The following PTP4A1 variants were observed in gnomAD, a reference collection of about 807,000 sequenced individuals.
The protein encoded by PTP4A1 is protein tyrosine phosphatase 4A1, also known as protein tyrosine phosphatase type IVA 1.
In PTP4A1, 9 loss-of-function variants were observed where a neutral mutation model predicts 20.5. The ratio of observed to expected loss-of-function variants is 0.44; its 90% CI spans 0.26 to 0.77. The LOEUF is 0.77. Ranked by LOEUF, PTP4A1 falls within the 30% of genes least tolerant of loss-of-function variation. The probability of loss-of-function intolerance (pLI) is 0.19; values close to 1 mark genes in which losing one functional copy is unlikely to be tolerated. For missense variants in PTP4A1, 137 were observed against 218.8 expected, an observed-to-expected ratio of 0.63 and a Z score of 2.36; for synonymous variants, 78 against 67.4, an observed-to-expected ratio of 1.16 and a Z score of -0.77.
chr6:63,568,495 C>T (rs1777281319), upstream of PTP4A1, among the ~76,000 whole-genome samples: 1 of 152,090 alleles, frequency 6.6e-6, no homozygotes, highest in Non-Finnish European at 1.5e-5. Flanking sequence ...TCAAAGATCA[C>T]TGTTCACAAA....
intron 3 of PTP4A1, among the ~76,000 whole-genome samples, chr6:63,552,520 C>T (rs1407358099): frequency 1.3e-5 from 2 of 152,176 alleles, no homozygotes; most frequent in Non-Finnish European, 2.9e-5. Flanking sequence ...TTTTACTGTG[C>T]AGAAGCTCTT....
intron 2 of PTP4A1, among the ~76,000 whole-genome samples, chr6:63,548,390 C>A (rs150460337): frequency 6.6e-6 from 1 of 152,282 alleles, no homozygotes; most frequent in East Asian, 1.9e-4. Context: ...AGGCTTAGAA[C>A]GGCACTAGGC....
In PTP4A1 at chr6:63,573,827, G is replaced by T. The variant is rs1422167049; in HGVS notation, c.-446+1108G>T. Among the ~76,000 whole-genome samples the T allele has an allele frequency of 2.0e-5, 3 of 152,296 alleles. No homozygotes were observed. The East Asian group carries it at 5.8e-4, about 29-fold the overall frequency. ...GTTACACTGACGCGAAGGACTTCCCGTCCGGGCACCAGCATACATTTCCCC... is the reference window on the plus strand; with the variant it reads ...GTTACACTGACGCGAAGGACTTCCCTTCCGGGCACCAGCATACATTTCCCC... On this transcript the variant is annotated intron_variant, in intron 1 of 5. Transcript: ENST00000626021.
intron 2 of PTP4A1, among the ~76,000 whole-genome samples, chr6:63,547,476 C>T (rs1232001803): frequency 6.7e-6 from 1 of 150,160 alleles, no homozygotes; most frequent in East Asian, 2.0e-4. Flanking sequence ...AGGCGTCTGC[C>T]ACCTCGCCCG....
upstream of PTP4A1, among the ~76,000 whole-genome samples, chr6:63,569,283 T>C (rs2149501933): frequency 6.6e-6 from 1 of 152,328 alleles, no homozygotes; most frequent in Middle Eastern, 3.4e-3. Context: ...TGAAATGAAG[T>C]CTCACTCTGT....
chr6:63,529,379 A>G (rs771110623), intron 2 of PTP4A1, among the ~76,000 whole-genome samples: 2 of 150,180 alleles, frequency 1.3e-5, no homozygotes, highest in Non-Finnish European at 2.9e-5. Context: ...TTAATTTCCT[A>G]CATCAATTCA....
At position 63,582,406 on chromosome 6, in the gene PTP4A1, T is replaced by C. The variant is rs956829990; in HGVS notation, c.*2232T>C. On this transcript the variant is annotated 3_prime_UTR_variant, in exon 6 of 6. Transcript: ENST00000626021. ...TTGTATATATGGTGCTAAAAATAAA[T>C]TAATTTACTTTATAAACCTTATCTG... The C allele has an allele frequency of 2.0e-5, 3 of 152,512 alleles. No homozygotes were observed. Among genetic ancestry groups the C allele is most frequent in the Non-Finnish European group, 4.4e-5 (3 of 68,004 alleles). 9.4% of individuals were successfully genotyped at this position (152,512 alleles called of 1,614,324 possible).
rs1001879003 is a variant in PTP4A1, at chr6:63,582,715, A to G, written c.*2541A>G. On this transcript the variant is annotated 3_prime_UTR_variant, in exon 6 of 6. Transcript: ENST00000626021. ...TTGATGTAAGTAATGCGGTTACTGA[A>G]TCATAAGAAAATGCCATCTCTTTTT... 8 of 152,232 alleles carry G rather than the reference A, an allele frequency of 5.3e-5. No homozygotes were observed. The highest frequency in any genetic ancestry group is 1.9e-4 in the African/African-American group (8 of 41,448). 9.4% of individuals were successfully genotyped at this position (152,232 alleles called of 1,614,324 possible). A position where few individuals can be genotyped will look rare whatever the true frequency, so the allele number is the denominator to read the frequency against.
At chr6:63,540,238 C>A (rs892766572) in intron 2 of PTP4A1, among the ~76,000 whole-genome samples, 2 of 152,100 alleles carry the variant, frequency 1.3e-5, no homozygotes, top group Non-Finnish European at 2.9e-5. Context: ...CACCCAGCCA[C>A]TAGAAAAGGC....
chr6:63,539,979 G>T (rs1173288537), intron 2 of PTP4A1, among the ~76,000 whole-genome samples: 1 of 152,200 alleles, frequency 6.6e-6, no homozygotes, highest in Non-Finnish European at 1.5e-5. Flanking sequence ...GGGGGTGGGA[G>T]TAATAGGAAT....
At chr6:63,572,439 G>A (rs893061627), upstream of PTP4A1, 5 of 372,896 alleles carry the variant, frequency 1.3e-5, no homozygotes, top group Non-Finnish European at 1.9e-5. Flanking sequence ...AGGGTTGCAC[G>A]TCGCGCCGGC....
At chr6:63,560,840 C>T (rs1776918872) in intron 3 of PTP4A1, among the ~76,000 whole-genome samples, 1 of 152,200 alleles carries the variant, frequency 6.6e-6, no homozygotes, top group African/African-American at 2.4e-5. Context: ...AGATTGGCAC[C>T]AGTTCACAGA....
chr6:63,580,222 A>C lies in PTP4A1; in HGVS notation c.*48A>C, dbSNP rs1300594108. The C allele has an allele frequency of 2.2e-6, 3 of 1,387,880 alleles. No individual in the cohort carries two copies. Among genetic ancestry groups the C allele is most frequent in the Admixed American group, 3.4e-5 (2 of 59,236 alleles). 86.0% of individuals were successfully genotyped at this position (1,387,880 alleles called of 1,614,324 possible). ...GGAAGTGGAACTTGAGATAGGGCCTAATTTGTTATACATATTAGCCAACAT... is the reference window on the plus strand; with the variant it reads ...GGAAGTGGAACTTGAGATAGGGCCTCATTTGTTATACATATTAGCCAACAT... On this transcript the variant is annotated 3_prime_UTR_variant, in exon 6 of 6. Transcript: ENST00000626021.
intron 5 of PTP4A1, 111 bp from the exon 6 acceptor site, chr6:63,579,946 A>T: frequency 2.6e-6 from 2 of 762,494 alleles, no homozygotes; most frequent in Admixed American, 4.5e-5. Context: ...TCACAGCCTA[A>T]TTAATCAAAA....
chr6:63,563,539 C>T (rs577993695), intron 3 of PTP4A1, among the ~76,000 whole-genome samples: 1 of 152,218 alleles, frequency 6.6e-6, no homozygotes, highest in African/African-American at 2.4e-5. Context: ...ATTCTGTTGA[C>T]CTCCTTCACA....
chr6:63,563,741 G>T (rs1452328863), intron 3 of PTP4A1, among the ~76,000 whole-genome samples: 1 of 152,196 alleles, frequency 6.6e-6, no homozygotes, highest in Non-Finnish European at 1.5e-5. Flanking sequence ...AGCTATGGAT[G>T]TAGGTGAAAA....
chr6:63,552,112 C>T (rs549097590), intron 3 of PTP4A1, among the ~76,000 whole-genome samples: 4,586 of 152,230 alleles, frequency 0.03, 172 homozygotes, highest in African/African-American at 0.09. Context: ...CCTGAGGAAT[C>T]GCCACACTGA....
intron 5 of PTP4A1, 145 bp from the exon 6 acceptor site, chr6:63,579,912 G>A: frequency 1.5e-6 from 1 of 653,092 alleles, no homozygotes; most frequent in Non-Finnish European, 2.7e-6. Context: ...TGATGTGCCT[G>A]TTCATATTCC....
chr6:63,547,814 G>A (rs1004532998), intron 2 of PTP4A1, among the ~76,000 whole-genome samples: 2 of 152,024 alleles, frequency 1.3e-5, no homozygotes, highest in Non-Finnish European at 2.9e-5. Flanking sequence ...CCCGGCCCAG[G>A]GGGGGATTTG....
Sources: allele counts gnomAD v4.1 joint callset (sites outside exome capture counted in the v4.1 genomes callset), GRCh38; gene constraint gnomAD v4.1.1; transcripts MANE v1.5; gene names NCBI Gene and HGNC (gene_info 2026-07-23, HGNC 2026-07-21).